F3: variants seen among roughly 807,000 people sequenced by gnomAD.
The protein encoded by F3 is tissue factor.
Under a neutral mutation model 33.5 loss-of-function variants are expected in F3, and 18 were observed. That is an observed-to-expected ratio of 0.54 (90% CI 0.37 to 0.80). The LOEUF is 0.80. Ranked by LOEUF, F3 falls within the 30% of genes least tolerant of loss-of-function variation. F3 has a pLI of 0.00. For missense variants in F3, 353 were observed against 362.1 expected (o/e 0.97, Z 0.20); for synonymous variants, 147 against 140.7 (o/e 1.05, Z -0.32).
chr1:94,533,545 T>G (rs542377432), intron 3 of F3, among the ~76,000 whole-genome samples: 1 of 152,296 alleles, frequency 6.6e-6, no homozygotes, highest in Admixed American at 6.5e-5. Context: ...GAAATTAATT[T>G]TAATAATATA....
intron 3 of F3, among the ~76,000 whole-genome samples, chr1:94,535,299 C>T (rs1202427812): frequency 1.3e-5 from 2 of 152,164 alleles, no homozygotes; most frequent in Non-Finnish European, 2.9e-5. Context: ...AAGAATAAAT[C>T]TCCTACTTGA....
intron 2 of F3, among the ~76,000 whole-genome samples, 182 bp from the exon 3 acceptor site, chr1:94,536,346 G>T (rs936854842): frequency 1.6e-4 from 25 of 152,086 alleles, no homozygotes; most frequent in African/African-American, 6.0e-4. Flanking sequence ...TAGAGATGGG[G>T]TCCTGCTATG....
chr1:94,532,531 C>T, intron 4 of F3, 51 bp from the exon 5 acceptor site: 1 of 1,592,468 alleles, frequency 6.3e-7, no homozygotes. Flanking sequence ...TCAATTCTTT[C>T]CCCTTTATTA....
intron 2 of F3, among the ~76,000 whole-genome samples, chr1:94,537,294 C>T (rs1356301948): frequency 6.6e-6 from 1 of 152,150 alleles, no homozygotes; most frequent in Non-Finnish European, 1.5e-5. Flanking sequence ...CACTTCTGTC[C>T]CATGGAAAGT....
rs1369866323 is a variant in F3 at position 94,529,710 on chromosome 1, T to G, written c.*750A>C. 1 of 152,264 alleles carries G rather than the reference T, an allele frequency of 6.6e-6. No individual in the cohort carries two copies. The highest frequency in any genetic ancestry group is 1.5e-5 in the Non-Finnish European group (1 of 68,026). 9.4% of individuals were successfully genotyped at this position (152,264 alleles called of 1,614,324 possible). On this transcript the variant is annotated 3_prime_UTR_variant, in exon 6 of 6. Transcript: ENST00000334047. Reference sequence around the variant, plus strand: ...TAAACACTATATTATAGACATATGTTAGAAAAGTCCTAGAAATGCACCCAA... The same window carrying G: ...TAAACACTATATTATAGACATATGTGAGAAAAGTCCTAGAAATGCACCCAA...
rs61773971 is a variant in F3, at chr1:94,536,395, G to C, written c.213-231C>G. ...TCCTTCTGCTTCGGCCTCCCAAAGT[G>C]CTGAATGTACAGGTGTGAGCCATCA... On this transcript the variant is annotated intron_variant, in intron 2 of 5. Transcript: ENST00000334047. Among the ~76,000 whole-genome samples the C allele has an allele frequency of 9.0e-3, 1,369 of 152,256 alleles. 5 individuals are homozygous for C. The highest frequency in any genetic ancestry group is 0.014 in the Non-Finnish European group (928 of 68,020).
At chr1:94,530,845 T>C (rs1412842179) in intron 5 of F3, among the ~76,000 whole-genome samples, 1 of 152,130 alleles carries the variant, frequency 6.6e-6, no homozygotes. Flanking sequence ...AGAAAAGATA[T>C]GTAGTTGGAG....
At chr1:94,531,732 G>A (rs1324214) in intron 5 of F3, among the ~76,000 whole-genome samples, 32,565 of 152,156 alleles carry the variant, frequency 0.21, 3,678 homozygotes, top group East Asian at 0.27. Context: ...CAGCACTTCC[G>A]GTTAGGGACT....
intron 3 of F3, among the ~76,000 whole-genome samples, chr1:94,535,264 T>A (rs1325623768): frequency 6.6e-6 from 1 of 152,228 alleles, no homozygotes; most frequent in East Asian, 1.9e-4. Context: ...CTAAATTGCC[T>A]AGCTCAGAGC....
At chr1:94,532,820 C>A (rs1335531607) in intron 4 of F3, among the ~76,000 whole-genome samples, 9 of 152,076 alleles carry the variant, frequency 5.9e-5, no homozygotes, top group Admixed American at 5.2e-4. Context: ...GTGAGCATGG[C>A]GGGACCTTTA....
intron 2 of F3, among the ~76,000 whole-genome samples, chr1:94,539,080 C>G (rs1570866728): frequency 1.3e-5 from 2 of 152,290 alleles, no homozygotes; most frequent in East Asian, 3.9e-4. Context: ...CTCCCAAAAT[C>G]TAATTTTTAC....
intron 5 of F3, 73 bp downstream of exon 5, chr1:94,532,248 G>C (rs1651454383): frequency 7.0e-7 from 1 of 1,428,888 alleles, no homozygotes; most frequent in Non-Finnish European, 9.6e-7. Context: ...CCAGCCCTGA[G>C]GGTGGAGCTA....
intron 4 of F3, 75 bp downstream of exon 4, chr1:94,533,015 G>A: frequency 1.4e-6 from 2 of 1,422,316 alleles, no homozygotes; most frequent in South Asian, 2.6e-5. Context: ...TTTTGAATTG[G>A]GGAAGAAATG....
intron 3 of F3, among the ~76,000 whole-genome samples, chr1:94,534,705 A>G (rs535979166): frequency 6.6e-6 from 1 of 152,308 alleles, no homozygotes; most frequent in East Asian, 1.9e-4. Flanking sequence ...TGGCTCAATT[A>G]TCTCATGTGC....
At chr1:94,532,601 C>T in intron 4 of F3, 121 bp from the exon 5 acceptor site, 10 of 1,054,976 alleles carry the variant, frequency 9.5e-6, no homozygotes, top group South Asian at 3.2e-5. Flanking sequence ...ACAGCTGACA[C>T]GTGAAGGATT....
At chr1:94,538,565 C>A (rs1570866443) in intron 2 of F3, among the ~76,000 whole-genome samples, 1 of 152,228 alleles carries the variant, frequency 6.6e-6, no homozygotes, top group East Asian at 1.9e-4. Context: ...CGCTTTGGAG[C>A]CTCCCATCAG....
chr1:94,533,210 C>A lies in F3; in HGVS notation c.471G>T (p.Val157=). ...SFEQVGTKVN[V]TVEDERTLVR... ...CTAAAGTCCGTTCATCTTCTACGGTCACATTCACTTTTGTTCCCACCTGTT... is the reference window on the plus strand; with the variant it reads ...CTAAAGTCCGTTCATCTTCTACGGTAACATTCACTTTTGTTCCCACCTGTT... The change falls in exon 4 of 6, where the codon GTG becomes GTT. Residue 157 remains valine, a synonymous_variant. Coordinates refer to ENST00000334047, the MANE Select transcript of F3 (RefSeq NM_001993.5). The A allele has an allele frequency of 6.2e-7, 1 of 1,613,842 alleles. No individual in the cohort carries two copies. The highest frequency in any genetic ancestry group is 1.1e-5 in the South Asian group (1 of 90,898).
At chr1:94,536,314 C>CT (rs1302586010) in intron 2 of F3, 150 bp from the exon 3 acceptor site, 31 of 704,486 alleles carry the variant, frequency 4.4e-5, no homozygotes, top group African/African-American at 1.1e-4. Flanking sequence ...GAGCACTTTG[C>CT]TTTTTTTTAA....
Position 94,535,907 on chromosome 1 carries a change from C to T in F3, c.412+58G>A, listed in dbSNP as rs1263369603. On this transcript the variant is annotated intron_variant, in intron 3 of 5. Coordinates refer to ENST00000334047, the MANE Select transcript of F3 (RefSeq NM_001993.5). ...TGTAGCCCCTAAAGGCACAAGATCA[C>T]GAGAATGTTCAGACGTTTCTAACAA... The T allele has an allele frequency of 3.4e-5, 51 of 1,511,810 alleles. No homozygotes were observed. The East Asian group carries it at 4.5e-4, about 13-fold the overall frequency. 93.6% of individuals were successfully genotyped at this position (1,511,810 alleles called of 1,614,324 possible). A position where few individuals can be genotyped will look rare whatever the true frequency, so the allele number is the denominator to read the frequency against.
Sources: allele counts gnomAD v4.1 joint callset (sites outside exome capture counted in the v4.1 genomes callset), GRCh38; gene constraint gnomAD v4.1.1; transcripts MANE v1.5; gene names NCBI Gene and HGNC (gene_info 2026-07-23, HGNC 2026-07-21).